MTA3: variants seen among roughly 807,000 people sequenced by gnomAD.
The protein encoded by MTA3 is metastasis-associated protein MTA3.
In MTA3, 34 loss-of-function variants were observed where a neutral mutation model predicts 83.5. The observed-to-expected ratio is 0.41, with a 90% CI of 0.31 to 0.54. The LOEUF (loss-of-function observed/expected upper bound fraction) is 0.54. MTA3 is among the 20% of genes least tolerant of loss of function. The pLI, the probability that MTA3 is intolerant of heterozygous loss-of-function variation, is 0.33. For synonymous variants in MTA3, 303 were observed against 252.7 expected (o/e 1.20, Z -1.89); for missense variants, 761 against 726.4 (o/e 1.05, Z -0.55).
intron 16 of MTA3, among the ~76,000 whole-genome samples, chr2:42,752,973 G>A (rs1669996683): frequency 6.6e-6 from 1 of 151,050 alleles, no homozygotes; most frequent in Non-Finnish European, 1.5e-5. Context: ...CGCCTGGGCT[G>A]GAGTGCCGTG....
chr2:42,739,616 A>T (rs998751716), intron 16 of MTA3, among the ~76,000 whole-genome samples: 1 of 152,216 alleles, frequency 6.6e-6, no homozygotes. Flanking sequence ...GACATTTGCT[A>T]CATCAGTGGA....
intron 2 of MTA3, among the ~76,000 whole-genome samples, chr2:42,554,661 A>G (rs1328470010): frequency 6.6e-6 from 1 of 152,192 alleles, no homozygotes; most frequent in Non-Finnish European, 1.5e-5. Context: ...TTCTACATGA[A>G]AATCTCCTTT....
At chr2:42,597,274 A>C (rs1305971678) in intron 3 of MTA3, among the ~76,000 whole-genome samples, 2 of 151,960 alleles carry the variant, frequency 1.3e-5, no homozygotes, top group East Asian at 3.9e-4. Context: ...CGTGTTGCCC[A>C]GGCTGGTCTC....
chr2:42,574,495 G>C (rs1678833778), intron 2 of MTA3, among the ~76,000 whole-genome samples: 1 of 152,012 alleles, frequency 6.6e-6, no homozygotes. Flanking sequence ...GAGTGCAGTA[G>C]CATAGATCCT....
At chr2:42,518,878 A>T (rs1233605067) in intron 2 of MTA3, among the ~76,000 whole-genome samples, 1 of 151,708 alleles carries the variant, frequency 6.6e-6, no homozygotes. Flanking sequence ...AGGTGGGAGG[A>T]TCACCTGAGC....
At chr2:42,744,075 A>C (rs1369750322) in intron 16 of MTA3, among the ~76,000 whole-genome samples, 3 of 152,206 alleles carry the variant, frequency 2.0e-5, no homozygotes, top group Non-Finnish European at 4.4e-5. Flanking sequence ...AGATTCAAAA[A>C]AATATTTTCT....
chr2:42,502,658 G>A (rs980543724), intron 2 of MTA3, among the ~76,000 whole-genome samples: 3 of 152,116 alleles, frequency 2.0e-5, no homozygotes, highest in South Asian at 2.1e-4. Context: ...ATTAGCCGGT[G>A]TAGTGGCGCA....
intron 2 of MTA3, among the ~76,000 whole-genome samples, chr2:42,563,505 C>T (rs1475540777): frequency 3.9e-5 from 6 of 152,022 alleles, no homozygotes; most frequent in Non-Finnish European, 8.8e-5. Flanking sequence ...TCTCACTTTT[C>T]GCCCAGGCTG....
intron 16 of MTA3, among the ~76,000 whole-genome samples, chr2:42,734,705 G>C (rs964511279): frequency 1.3e-5 from 2 of 150,852 alleles, no homozygotes; most frequent in African/African-American, 4.9e-5. Flanking sequence ...TTTATTTTTT[G>C]TGTATCTGTT....
Position 42,755,139 on chromosome 2 carries a change from C to G in MTA3, c.*1740C>G, listed in dbSNP as rs542902137. 13 of 985,472 alleles carry G rather than the reference C, an allele frequency of 1.3e-5. No homozygotes were observed. In the East Asian group the frequency reaches 1.2e-3, roughly 95 times the overall value. 61.0% of individuals were successfully genotyped at this position (985,472 alleles called of 1,614,324 possible). A position where few individuals can be genotyped will look rare whatever the true frequency, so the allele number is the denominator to read the frequency against. On this transcript the variant is annotated 3_prime_UTR_variant, in exon 17 of 17. Coordinates refer to ENST00000405094, the MANE Select transcript of MTA3 (RefSeq NM_001330442.2). Reference sequence around the variant, plus strand: ...AAAGACCTGGGAGGAGGTGCCGCATCACGTGGATGTTTCTTCCCTAAAGAA... The same window carrying G: ...AAAGACCTGGGAGGAGGTGCCGCATGACGTGGATGTTTCTTCCCTAAAGAA...
intron 2 of MTA3, among the ~76,000 whole-genome samples, chr2:42,501,337 C>T (rs926669495): frequency 6.6e-6 from 1 of 152,124 alleles, no homozygotes; most frequent in Non-Finnish European, 1.5e-5. Flanking sequence ...AATCTTTCTT[C>T]CTTTCCTAGT....
In MTA3 at chr2:42,682,801, G is replaced by A. The variant is rs192410378; in HGVS notation, c.891+212G>A. On this transcript the variant is annotated intron_variant, in intron 9 of 16. Transcript: ENST00000405094. ...AGACCCACGCTATCAGGCCGGGTAC[G>A]GTGGCTCACGTCTGTAATTCCAGGA... The A allele has an allele frequency of 3.1e-3, 1,519 of 488,774 alleles. 5 individuals carry two copies. Among genetic ancestry groups the A allele is most frequent in the Non-Finnish European group, 3.6e-3 (990 of 273,762 alleles). The allele number at this position is 488,774 out of a possible 1,614,324, so 30.3% of individuals were successfully genotyped here.
At chr2:42,587,084 T>C (rs1408062800) in intron 3 of MTA3, among the ~76,000 whole-genome samples, 1 of 151,780 alleles carries the variant, frequency 6.6e-6, no homozygotes, top group Admixed American at 6.6e-5. Context: ...TCCTAGCTAC[T>C]CAGGAGGCTG....
chr2:42,719,106 A>G (rs1356139306), intron 15 of MTA3, 32 bp downstream of exon 15: 2 of 1,460,390 alleles, frequency 1.4e-6, no homozygotes, highest in African/African-American at 1.4e-5. Context: ...AAAAACTCAA[A>G]GAGCAATTTC....
At chr2:42,738,633 G>T (rs1421126730) in intron 16 of MTA3, among the ~76,000 whole-genome samples, 1 of 152,220 alleles carries the variant, frequency 6.6e-6, no homozygotes, top group Non-Finnish European at 1.5e-5. Flanking sequence ...GGGAGTAAGA[G>T]AGATAACCTT....
chr2:42,574,806 A>G (rs1444033305), intron 2 of MTA3, among the ~76,000 whole-genome samples: 5 of 152,102 alleles, frequency 3.3e-5, no homozygotes, highest in Non-Finnish European at 5.9e-5. Context: ...GCAGTCCCCC[A>G]TCTTGGTCTC....
At chr2:42,711,759 T>C (rs141481022) in intron 14 of MTA3, among the ~76,000 whole-genome samples, 2,009 of 98,102 alleles carry the variant, frequency 0.02, 36 homozygotes, top group African/African-American at 0.071. Flanking sequence ...TGTGATCTAC[T>C]GGGAGTGTAT....
intron 2 of MTA3, among the ~76,000 whole-genome samples, chr2:42,556,723 C>A (rs1413614369): frequency 1.3e-5 from 2 of 152,150 alleles, no homozygotes; most frequent in Non-Finnish European, 2.9e-5. Flanking sequence ...GGTCCCCATG[C>A]CAGCCCAGAT....
At chr2:42,678,776 C>T (rs1019897367) in intron 8 of MTA3, among the ~76,000 whole-genome samples, 1 of 151,756 alleles carries the variant, frequency 6.6e-6, no homozygotes, top group African/African-American at 2.4e-5. Flanking sequence ...TAATGCATCA[C>T]TGTGTGTGTG....
Sources: gnomAD v4.1 joint callset for allele counts (sites outside exome capture counted in the v4.1 genomes callset) on GRCh38, gnomAD v4.1.1 for gene constraint, MANE v1.5 for transcripts, NCBI Gene and HGNC (gene_info 2026-07-23, HGNC 2026-07-21) for gene names.